Variants in ELMO1 observed in about 807,000 individuals in gnomAD.
ELMO1 encodes engulfment and cell motility 1, also known as engulfment and cell motility protein 1.
In ELMO1, 26 loss-of-function variants were observed where a neutral mutation model predicts 98.9. The observed-to-expected ratio is 0.26, with a 90% CI of 0.19 to 0.36. The LOEUF is 0.36. Among genes scored for constraint, ELMO1 ranks in the 10% least tolerant of loss-of-function variants. The pLI is 1.00. For missense variants in ELMO1, 627 were observed against 935.2 expected (o/e 0.67, Z 4.30); for synonymous variants, 346 against 346.0 (o/e 1.00, Z 0.00).
chr7:37,261,381 G>T (rs1795968853), intron 5 of ELMO1, among the ~76,000 whole-genome samples: 1 of 152,204 alleles, frequency 6.6e-6, no homozygotes, highest in Non-Finnish European at 1.5e-5. Context: ...TGTTGCCTGT[G>T]TAAGAATCAC....
chr7:37,184,154 G>A (rs767248273), intron 13 of ELMO1, among the ~76,000 whole-genome samples: 1 of 150,276 alleles, frequency 6.7e-6, no homozygotes, highest in African/African-American at 2.4e-5. Context: ...TGGGAATTTT[G>A]GATTCTTTTC....
At chr7:37,338,146 T>C (rs1800522812) in intron 2 of ELMO1, among the ~76,000 whole-genome samples, 1 of 152,176 alleles carries the variant, frequency 6.6e-6, no homozygotes, top group Non-Finnish European at 1.5e-5. Context: ...CTCTAAGCTA[T>C]GCAACATGCT....
At position 37,118,648 on chromosome 7, in the gene ELMO1, T is replaced by C. The variant is rs144993043; in HGVS notation, c.1191+14482A>G. Among the ~76,000 whole-genome samples the C allele has an allele frequency of 1.7e-3, 265 of 152,324 alleles. 1 individual carries two copies. The highest frequency in any genetic ancestry group is 6.3e-3 in the African/African-American group (260 of 41,572). ...AATGGTTGAAGCACCTTCTATGTGC[T>C]GGCGGTGTGCTCAGAACTTCACAAA... On this transcript the variant is annotated intron_variant, in intron 14 of 21. Transcript: ENST00000310758.
intron 4 of ELMO1, among the ~76,000 whole-genome samples, chr7:37,281,860 T>G (rs1797157571): frequency 6.6e-6 from 1 of 152,198 alleles, no homozygotes; most frequent in Non-Finnish European, 1.5e-5. Context: ...ATGTCCTGAC[T>G]GCACACAATG....
intron 1 of ELMO1, among the ~76,000 whole-genome samples, chr7:37,419,452 T>C (rs540714616): frequency 1.3e-4 from 20 of 152,320 alleles, no homozygotes; most frequent in South Asian, 1.0e-3. Context: ...TTCTTTGTTG[T>C]CCTCTCAGGG....
At position 37,431,215 on chromosome 7, in the gene ELMO1, T is replaced by C. The variant is rs114271054; in HGVS notation, c.-74+17460A>G. ...AGCCCGGCATGGTGGTGCATGTCTA[T>C]AGTCCTAGTTACTTAGGAGGCTGAG... On this transcript the variant is annotated intron_variant, in intron 1 of 21. Transcript: ENST00000310758. 3.9e-3 allele frequency among the ~76,000 whole-genome samples: 599 copies of C among 152,336 alleles called. 9 individuals carry two copies. Among genetic ancestry groups the C allele is most frequent in the African/African-American group, 0.013 (548 of 41,584 alleles).
At position 36,924,089 on chromosome 7, in the gene ELMO1, T is replaced by C. The variant is rs373927124; in HGVS notation, c.1438-29072A>G. ...AGGAGTGCTGAGGTCATGAGAACTG[T>C]GTATTAGAACAACTGCTCTTCTAAA... On this transcript the variant is annotated intron_variant, in intron 16 of 21. Coordinates refer to ENST00000310758, the MANE Select transcript of ELMO1 (RefSeq NM_014800.11). Among the ~76,000 whole-genome samples, 61 of 152,350 alleles carry C rather than the reference T, an allele frequency of 4.0e-4. 1 individual carries two copies. Among genetic ancestry groups the C allele is most frequent in the African/African-American group, 1.5e-3 (61 of 41,576 alleles).
At chr7:37,006,133 A>G (rs1381853431) in intron 16 of ELMO1, among the ~76,000 whole-genome samples, 2 of 152,236 alleles carry the variant, frequency 1.3e-5, no homozygotes, top group Non-Finnish European at 2.9e-5. Context: ...GAGTGACCAC[A>G]GTGGTCAAAA....
rs917252001 is a variant in ELMO1, at chr7:36,985,786, T to C, written c.1437+27513A>G. The C allele has an allele frequency of 2.7e-5, 12 of 440,180 alleles. 1 individual carries two copies. Among genetic ancestry groups the C allele is most frequent in the Non-Finnish European group, 3.8e-5 (12 of 318,232 alleles). 27.3% of individuals were successfully genotyped at this position (440,180 alleles called of 1,614,324 possible). A position where few individuals can be genotyped will look rare whatever the true frequency, so the allele number is the denominator to read the frequency against. On this transcript the variant is annotated intron_variant, in intron 16 of 21. Transcript: ENST00000310758. ...TCTTTTGAATTCAGAGTCTCCTACA[T>C]CATGGGAACCCTTGAATGCCCGCTC...
chr7:37,025,496 T>C (rs1166189921), intron 15 of ELMO1, among the ~76,000 whole-genome samples: 1 of 152,170 alleles, frequency 6.6e-6, no homozygotes, highest in Admixed American at 6.5e-5. Context: ...CTCAATGAAG[T>C]AGATAGCTCT....
At chr7:37,084,483 T>C (rs1783654441) in intron 15 of ELMO1, among the ~76,000 whole-genome samples, 2 of 152,166 alleles carry the variant, frequency 1.3e-5, no homozygotes, top group East Asian at 3.9e-4. Flanking sequence ...AGACAGGATA[T>C]TTACAAAGAA....
intron 17 of ELMO1, among the ~76,000 whole-genome samples, chr7:36,893,178 A>G (rs1478310043): frequency 1.3e-5 from 2 of 152,214 alleles, no homozygotes; most frequent in Non-Finnish European, 2.9e-5. Context: ...CTTATTATGG[A>G]AAGCATAATA....
At chr7:37,207,639 A>G (rs757969853) in intron 13 of ELMO1, among the ~76,000 whole-genome samples, 5 of 151,976 alleles carry the variant, frequency 3.3e-5, no homozygotes, top group Non-Finnish European at 7.4e-5. Flanking sequence ...CCACAGAATC[A>G]ATAACAAGAG....
rs1171425281 is a variant in ELMO1 at position 36,861,679 on chromosome 7, T to C, written c.1963A>G (p.Ile655Val). The C allele has an allele frequency of 6.2e-7, 1 of 1,610,758 alleles. No homozygotes were observed. Among genetic ancestry groups the C allele is most frequent in the Non-Finnish European group, 8.5e-7 (1 of 1,179,292 alleles). Residue 655 changes from isoleucine to valine, a missense_variant, in exon 21 of 22, where the codon ATC becomes GTC. Around this residue, in one of 3 missense-constraint regions of ELMO1, gnomAD observed 492 missense variants for 715.6 expected, o/e 0.69. Coordinates refer to ENST00000310758, the MANE Select transcript of ELMO1 (RefSeq NM_014800.11). ...LYDSNCQLNF[I>V]APDKHEYCIW... ...CTTACCTCATGCTTGTCAGGAGCGA[T>C]GAAGTTCAGTTGGCAGTTTGAGTCA...
chr7:37,380,062 A>C (rs1802521087), intron 1 of ELMO1, among the ~76,000 whole-genome samples: 1 of 152,188 alleles, frequency 6.6e-6, no homozygotes, highest in South Asian at 2.1e-4. Flanking sequence ...ATTTCCCCCA[A>C]ACCTGCTGAA....
rs73342282 is a variant in ELMO1 at position 37,016,391 on chromosome 7, T to C, written c.1301-2956A>G. Among the ~76,000 whole-genome samples, 972 of 152,308 alleles carry C rather than the reference T, an allele frequency of 6.4e-3. 10 individuals carry two copies. The highest frequency in any genetic ancestry group is 0.022 in the African/African-American group (928 of 41,562). On this transcript the variant is annotated intron_variant, in intron 15 of 21. Coordinates refer to ENST00000310758, the MANE Select transcript of ELMO1 (RefSeq NM_014800.11). Reference sequence around the variant, plus strand: ...ATGAGAAAGGTAAAACTTGGATAAATAACACCTTCCATCATGAGCTTTTTT... The same window carrying C: ...ATGAGAAAGGTAAAACTTGGATAAACAACACCTTCCATCATGAGCTTTTTT...
intron 13 of ELMO1, among the ~76,000 whole-genome samples, chr7:37,179,357 A>T (rs1790701328): frequency 6.8e-6 from 1 of 147,790 alleles, no homozygotes; most frequent in Admixed American, 6.9e-5. Flanking sequence ...GGCTCACTGC[A>T]ACCTCCGCCT....
At chr7:36,991,746 C>G (rs4588753) in intron 16 of ELMO1, among the ~76,000 whole-genome samples, 1 of 152,196 alleles carries the variant, frequency 6.6e-6, no homozygotes. Context: ...ATGCTGAGCT[C>G]TCTGTGATAA....
intron 1 of ELMO1, among the ~76,000 whole-genome samples, chr7:37,403,525 C>T (rs532007714): frequency 6.4e-4 from 97 of 151,982 alleles, no homozygotes; most frequent in African/African-American, 2.3e-3. Context: ...CTACATGACA[C>T]GGTGCAACTG....
Sources: gnomAD v4.1 joint callset for allele counts (sites outside exome capture counted in the v4.1 genomes callset) on GRCh38, gnomAD v4.1.1 for gene constraint, gnomAD v4.1.1 regional missense constraint, MANE v1.5 for transcripts, NCBI Gene and HGNC (gene_info 2026-07-23, HGNC 2026-07-21) for gene names.